CTNNB1: variants seen among roughly 807,000 people sequenced by gnomAD.
The protein encoded by CTNNB1 is catenin beta 1, also known as catenin beta-1.
A neutral mutation model predicts 82.5 loss-of-function variants in CTNNB1; 6 were observed. That is an observed-to-expected ratio of 0.07 (90% CI 0.04 to 0.14). CTNNB1 has a LOEUF of 0.14. Among genes scored for constraint, CTNNB1 ranks in the 10% least tolerant of loss-of-function variants. CTNNB1 has a pLI of 1.00. For synonymous variants in CTNNB1, 312 were observed against 329.7 expected (o/e 0.95, Z 0.58); for missense variants, 529 against 980.4 (o/e 0.54, Z 6.15).
At chr3:41,212,859 G>A (rs150633268) in intron 1 of CTNNB1, among the ~76,000 whole-genome samples, 187 of 152,172 alleles carry the variant, frequency 1.2e-3, no homozygotes, top group Admixed American at 2.6e-3. Flanking sequence ...CATCAACAGC[G>A]CCTGTTGTTT....
At chr3:41,205,400 A>T (rs2125586917) in intron 1 of CTNNB1, among the ~76,000 whole-genome samples, 1 of 152,300 alleles carries the variant, frequency 6.6e-6, no homozygotes, top group East Asian at 1.9e-4. Flanking sequence ...CTAACAAGGT[A>T]TTTCCAGATT....
rs1443778460 is a variant in CTNNB1 at position 41,237,033 on chromosome 3, AC to A, written c.2076+325del. The A allele has an allele frequency of 8.7e-6, 4 of 461,910 alleles. No homozygotes were observed. The East Asian group carries it at 1.4e-4, about 16-fold the overall frequency. The allele number at this position is 461,910 out of a possible 1,614,324, so 28.6% of individuals were successfully genotyped here. A position where few individuals can be genotyped will look rare whatever the true frequency, so the allele number is the denominator to read the frequency against. ...GGCAGTGTTAAACACTGTTAAGAGG[AC>A]AGTTTATCAGTATTTTTTACTAAAC... On this transcript the variant is annotated intron_variant, in intron 13 of 14. Coordinates refer to ENST00000349496, the MANE Select transcript of CTNNB1 (RefSeq NM_001904.4).
At position 41,239,487 on chromosome 3, in the gene CTNNB1, T is replaced by C. The variant is rs2078522008; in HGVS notation, c.*145T>C. ...CTGCCACAAAAACAGGTATATACTT[T>C]GAAAGGAGATGTCTTGGAACATTGG... On this transcript the variant is annotated 3_prime_UTR_variant, in exon 15 of 15. Coordinates refer to ENST00000349496, the MANE Select transcript of CTNNB1 (RefSeq NM_001904.4). 1.4e-6 allele frequency: 1 copy of C among 695,408 alleles called. No individual in the cohort carries two copies. Among genetic ancestry groups the C allele is most frequent in the Non-Finnish European group, 2.5e-6 (1 of 393,026 alleles). 43.1% of individuals were successfully genotyped at this position (695,408 alleles called of 1,614,324 possible).
At chr3:41,229,242 GA>G (rs1404289552) in intron 7 of CTNNB1, among the ~76,000 whole-genome samples, 6 of 152,102 alleles carry the variant, frequency 3.9e-5, no homozygotes, top group Non-Finnish European at 8.8e-5. Context: ...ATTATGTGAA[GA>G]ATGCCATTGG....
intron 1 of CTNNB1, among the ~76,000 whole-genome samples, chr3:41,212,180 C>A (rs554770708): frequency 6.6e-6 from 1 of 152,308 alleles, no homozygotes; most frequent in Admixed American, 6.5e-5. Flanking sequence ...GGTATCTAAT[C>A]ATAATCTGAA....
intron 1 of CTNNB1, among the ~76,000 whole-genome samples, chr3:41,210,292 A>C (rs1365138570): frequency 6.6e-6 from 1 of 152,108 alleles, no homozygotes; most frequent in Non-Finnish European, 1.5e-5. Flanking sequence ...GTCTCTACTA[A>C]AAATACAAAA....
intron 7 of CTNNB1, among the ~76,000 whole-genome samples, chr3:41,230,872 C>T (rs1364377595): frequency 6.6e-6 from 1 of 152,212 alleles, no homozygotes; most frequent in African/African-American, 2.4e-5. Context: ...TCTTGGGCTA[C>T]ACACCAAATA....
intron 7 of CTNNB1, among the ~76,000 whole-genome samples, chr3:41,231,545 C>G (rs1222436868): frequency 6.6e-6 from 1 of 152,152 alleles, no homozygotes; most frequent in African/African-American, 2.4e-5. Flanking sequence ...ATACAGAATA[C>G]TTTGGTCAGT....
rs2078089315 is a variant in CTNNB1, at chr3:41,223,084, CA to C, written c.-48-933del. Among the ~76,000 whole-genome samples, 3 of 151,750 alleles carry C rather than the reference CA, an allele frequency of 2.0e-5. 1 individual carries two copies. In the South Asian group the frequency reaches 6.2e-4, roughly 32 times the overall value. ...ACCAAAACTCTGTCTCAAAAAAAAA[CA>C]AAACATAGTTCACACTTAAATATTT... On this transcript the variant is annotated intron_variant, in intron 1 of 14. Transcript: ENST00000349496.
At position 41,239,399 on chromosome 3, in the gene CTNNB1, T is replaced by C; in HGVS notation, c.*57T>C. ...CAGTTTGGGTAAAATACTTTTACTC[T>C]GCCTACAGAACTTCAGAAAGACTTG... On this transcript the variant is annotated 3_prime_UTR_variant, in exon 15 of 15. Transcript: ENST00000349496. The C allele has an allele frequency of 6.8e-7, 1 of 1,469,248 alleles. No homozygotes were observed. The highest frequency in any genetic ancestry group is 1.2e-5 in the South Asian group (1 of 84,166). The allele number at this position is 1,469,248 out of a possible 1,614,324, so 91.0% of individuals were successfully genotyped here. A position where few individuals can be genotyped will look rare whatever the true frequency, so the allele number is the denominator to read the frequency against.
At chr3:41,239,070 T>C (rs1318333864) in intron 14 of CTNNB1, 64 bp from the exon 15 acceptor site, 3 of 1,377,670 alleles carry the variant, frequency 2.2e-6, no homozygotes, top group Admixed American at 1.7e-5. Flanking sequence ...CGTCTATGTC[T>C]GCTTCTCTCC....
chr3:41,211,666 T>C (rs1457932155), intron 1 of CTNNB1, among the ~76,000 whole-genome samples: 1 of 152,228 alleles, frequency 6.6e-6, no homozygotes, highest in Non-Finnish European at 1.5e-5. Flanking sequence ...ATAAATAGTC[T>C]CCAGCTGCAT....
chr3:41,217,615 T>G (rs888424140), intron 1 of CTNNB1, among the ~76,000 whole-genome samples: 2 of 152,232 alleles, frequency 1.3e-5, no homozygotes, highest in African/African-American at 4.8e-5. Context: ...AAATTGAATT[T>G]TTAAGTCAAA....
chr3:41,200,511 C>T (rs1178961254), intron 1 of CTNNB1: 1 of 152,154 alleles, frequency 6.6e-6, no homozygotes, highest in Non-Finnish European at 1.5e-5. Context: ...AAGTGAACTG[C>T]AGGATTCAGC....
rs776326554 is a variant in CTNNB1 at position 41,227,400 on chromosome 3, C to G, written c.1081+48C>G. On this transcript the variant is annotated intron_variant, in intron 7 of 14. Coordinates refer to ENST00000349496, the MANE Select transcript of CTNNB1 (RefSeq NM_001904.4). The stretch of plus-strand genomic sequence containing the variant: ...AGTCTTGTGTATAGCATCTGCAGTT[C>G]TAATTAGATTACTTTTCTTAGGAAA... 2 of 1,591,910 alleles carry G rather than the reference C, an allele frequency of 1.3e-6. No individual in the cohort carries two copies. The highest frequency in any genetic ancestry group is 3.3e-5 in the Admixed American group (2 of 59,922).
chr3:41,238,339 T>G, intron 14 of CTNNB1: 1 of 445,148 alleles, frequency 2.2e-6, no homozygotes, highest in East Asian at 3.8e-5. Flanking sequence ...GATGTTACAA[T>G]TTACCTGGCT....
intron 2 of CTNNB1, 61 bp downstream of exon 2, chr3:41,224,142 G>T: frequency 6.3e-7 from 1 of 1,584,692 alleles, no homozygotes; most frequent in Non-Finnish European, 8.7e-7. Flanking sequence ...CATTAAGCCA[G>T]TCTGGCTGAG....
At chr3:41,233,476 T>G (rs2125638289) in intron 8 of CTNNB1, 32 bp downstream of exon 8, 1 of 1,613,498 alleles carries the variant, frequency 6.2e-7, no homozygotes, top group Non-Finnish European at 8.5e-7. Context: ...GCCATGGGAA[T>G]AGAGTCAAGA....
intron 1 of CTNNB1, among the ~76,000 whole-genome samples, chr3:41,207,866 TTCTTGCACACCTTATAACAC>T (rs2077685810): frequency 6.6e-6 from 1 of 152,242 alleles, no homozygotes. Context: ...AATTTTTCCC[TTCTTGCACACCTTATAACAC>T]TGAACTAGGA....
Sources: allele counts gnomAD v4.1 joint callset (sites outside exome capture counted in the v4.1 genomes callset), GRCh38; gene constraint gnomAD v4.1.1; transcripts MANE v1.5; gene names NCBI Gene and HGNC (gene_info 2026-07-23, HGNC 2026-07-21).